The following PARN variants were observed in gnomAD, a reference collection of about 807,000 sequenced individuals.
The protein encoded by PARN is poly(A)-specific ribonuclease, also known as poly(A)-specific ribonuclease PARN.
In PARN, 71 loss-of-function variants were observed where a neutral mutation model predicts 102.8. The ratio of observed to expected loss-of-function variants is 0.69; its 90% CI spans 0.57 to 0.84. The LOEUF is 0.84. Among genes scored for constraint, PARN ranks in the 40% least tolerant of loss-of-function variants. The pLI is 0.00. For missense variants in PARN, 782 were observed against 760.9 expected (o/e 1.03, Z -0.33); for synonymous variants, 261 against 252.9 (o/e 1.03, Z -0.30).
At chr16:14,614,934 C>G (rs1294941887) in intron 6 of PARN, among the ~76,000 whole-genome samples, 1 of 147,540 alleles carries the variant, frequency 6.8e-6, no homozygotes, top group East Asian at 2.0e-4. Context: ...AAGGAGGACA[C>G]CTAGCACAGC....
rs1596595718 is a variant in PARN, at chr16:14,532,784, C to A, written c.1480+19237G>T. Among the ~76,000 whole-genome samples, 6 of 150,228 alleles carry A rather than the reference C, an allele frequency of 4.0e-5. No homozygotes were observed. In the South Asian group the frequency reaches 1.3e-3, roughly 31 times the overall value. On this transcript the variant is annotated intron_variant, in intron 21 of 23. Coordinates refer to ENST00000437198, the MANE Select transcript of PARN (RefSeq NM_002582.4). Reference sequence around the variant, plus strand: ...CTGACCCCCCCACCTCCCTCCTGGACGGGGCGGCTGGCCGGGCGGGGGGCT... The same window carrying A: ...CTGACCCCCCCACCTCCCTCCTGGAAGGGGCGGCTGGCCGGGCGGGGGGCT...
intron 22 of PARN, among the ~76,000 whole-genome samples, chr16:14,477,858 A>C (rs1596478108): frequency 1.3e-5 from 2 of 152,274 alleles, no homozygotes; most frequent in South Asian, 2.1e-4. Context: ...AGAAAATTAC[A>C]GTCTAATATT....
At chr16:14,578,506 A>T (rs1043093587) in intron 18 of PARN, 1 of 151,480 alleles carries the variant, frequency 6.6e-6, no homozygotes, top group African/African-American at 2.4e-5. Flanking sequence ...AATACAAAAA[A>T]ATGGCCGGGC....
In PARN at chr16:14,594,918, T is replaced by C. The variant is rs571670291; in HGVS notation, c.841-1540A>G. On this transcript the variant is annotated intron_variant, in intron 12 of 23. Transcript: ENST00000437198. ...CTATGCTACGCTAAAATAATGAGCA[T>C]TGATTGAAACCACAGAAAAGATGTG... Among the ~76,000 whole-genome samples, 9 of 152,318 alleles carry C rather than the reference T, an allele frequency of 5.9e-5. 1 individual carries two copies. Among genetic ancestry groups the C allele is most frequent in the Middle Eastern group, 6.8e-3 (2 of 294 alleles).
intron 12 of PARN, among the ~76,000 whole-genome samples, chr16:14,595,017 C>A (rs1327924500): frequency 1.3e-5 from 2 of 152,162 alleles, no homozygotes; most frequent in African/African-American, 4.8e-5. Context: ...CATAACCACA[C>A]TGAAGGTTAA....
intron 21 of PARN, among the ~76,000 whole-genome samples, chr16:14,520,739 A>G (rs1472296477): frequency 1.3e-5 from 2 of 152,134 alleles, no homozygotes; most frequent in Non-Finnish European, 2.9e-5. Context: ...ACACTGGAAT[A>G]TTTCCCAGTG....
chr16:14,604,354 G>T (rs1297333547), intron 10 of PARN, 128 bp from the exon 11 acceptor site: 4 of 617,360 alleles, frequency 6.5e-6, no homozygotes, highest in Non-Finnish European at 8.5e-6. Context: ...TCCGCCTCCT[G>T]GGTTCAAGCG....
At chr16:14,629,109 T>G (rs550378006) in intron 2 of PARN, among the ~76,000 whole-genome samples, 4 of 152,330 alleles carry the variant, frequency 2.6e-5, no homozygotes, top group African/African-American at 9.6e-5. Context: ...AAATGGCGGT[T>G]GCTAAAGGCT....
chr16:14,537,950 TCACAA>T (rs750647560), intron 21 of PARN, among the ~76,000 whole-genome samples: 13 of 152,198 alleles, frequency 8.5e-5, no homozygotes, highest in Non-Finnish European at 1.8e-4. Flanking sequence ...GTTTGAATGT[TCACAA>T]CACAAAACTA....
At chr16:14,618,493 C>CAA (rs758627242) in intron 5 of PARN, among the ~76,000 whole-genome samples, 3 of 77,490 alleles carry the variant, frequency 3.9e-5, no homozygotes, top group African/African-American at 9.8e-5. Flanking sequence ...GACTCTGTCT[C>CAA]AAAAAAAAAA....
At chr16:14,477,516 A>G (rs1207927537) in intron 22 of PARN, among the ~76,000 whole-genome samples, 1 of 151,678 alleles carries the variant, frequency 6.6e-6, no homozygotes, top group African/African-American at 2.4e-5. Flanking sequence ...GATGGCTCAC[A>G]GCTGTAATCC....
chr16:14,437,793 A>G (rs879648811), intron 23 of PARN, among the ~76,000 whole-genome samples: 3 of 152,216 alleles, frequency 2.0e-5, no homozygotes, highest in Non-Finnish European at 4.4e-5. Flanking sequence ...TAACTTTTAA[A>G]TACAGAGGGG....
At chr16:14,542,266 C>T (rs1274298202) in intron 21 of PARN, among the ~76,000 whole-genome samples, 1 of 151,526 alleles carries the variant, frequency 6.6e-6, no homozygotes, top group Admixed American at 6.6e-5. Context: ...TTTGCCTCTA[C>T]AAGTACTATG....
chr16:14,521,004 T>G (rs1373059158), intron 21 of PARN, among the ~76,000 whole-genome samples: 1 of 152,224 alleles, frequency 6.6e-6, no homozygotes, highest in South Asian at 2.1e-4. Flanking sequence ...GCCACAATCA[T>G]GGTGTTGGCC....
intron 9 of PARN, among the ~76,000 whole-genome samples, chr16:14,607,717 G>A (rs1399228769): frequency 6.6e-6 from 1 of 152,150 alleles, no homozygotes; most frequent in African/African-American, 2.4e-5. Context: ...TATATTCCCA[G>A]TATACATGTC....
chr16:14,585,504 AG>A (rs1969796554), intron 14 of PARN, among the ~76,000 whole-genome samples: 1 of 151,778 alleles, frequency 6.6e-6, no homozygotes, highest in African/African-American at 2.4e-5. Context: ...CTTGTTCGGT[AG>A]GCTCCACATG....
chr16:14,485,139 A>G (rs180959590), intron 21 of PARN, among the ~76,000 whole-genome samples: 1 of 152,350 alleles, frequency 6.6e-6, no homozygotes, highest in East Asian at 1.9e-4. Flanking sequence ...AGCTGAAAAC[A>G]GCACACTCTG....
intron 21 of PARN, among the ~76,000 whole-genome samples, chr16:14,518,899 A>T (rs1965597011): frequency 6.6e-6 from 1 of 152,158 alleles, no homozygotes; most frequent in Non-Finnish European, 1.5e-5. Context: ...GCATAAGCTC[A>T]CAGACAGGGA....
At chr16:14,616,091 A>C (rs1187319439) in intron 6 of PARN, among the ~76,000 whole-genome samples, 1 of 152,140 alleles carries the variant, frequency 6.6e-6, no homozygotes, top group Non-Finnish European at 1.5e-5. Flanking sequence ...GGGAAAAAAA[A>C]CAAAATTTAT....
Sources: allele counts gnomAD v4.1 joint callset (sites outside exome capture counted in the v4.1 genomes callset), GRCh38; gene constraint gnomAD v4.1.1; transcripts MANE v1.5; gene names NCBI Gene and HGNC (gene_info 2026-07-23, HGNC 2026-07-21).